The following TRIM29 variants were observed in gnomAD, a reference collection of about 807,000 sequenced individuals.
TRIM29 encodes the protein tripartite motif-containing protein 29.
A neutral mutation model predicts 57.3 loss-of-function variants in TRIM29; 52 were observed. That is an observed-to-expected ratio of 0.91 (90% confidence interval 0.73 to 1.14). The LOEUF (loss-of-function observed/expected upper bound fraction) is 1.14. Among genes scored for constraint, TRIM29 ranks in the 50% most tolerant of loss-of-function variants. The pLI, the probability that TRIM29 is intolerant of heterozygous loss-of-function variation, is 0.00. For synonymous variants in TRIM29, 319 were observed against 316.9 expected (o/e 1.01, Z -0.07); for missense variants, 753 against 774.6 (o/e 0.97, Z 0.33).
intron 7 of TRIM29, 159 bp from the exon 8 acceptor site, chr11:120,115,573 C>T: frequency 1.6e-6 from 1 of 641,688 alleles, no homozygotes; most frequent in Non-Finnish European, 2.7e-6. Flanking sequence ...AGCCAGGGTG[C>T]CGCAACCGAA....
chr11:120,137,817 C>A lies in TRIM29; in HGVS notation c.215G>T (p.Gly72Val), dbSNP rs748867782. The change falls in exon 1 of 9, where the codon GGC becomes GTC. Residue 72 changes from glycine to valine, a missense_variant. Physicochemically the swap from Gly to Val is moderately radical, Grantham distance 109. Transcript: ENST00000341846. This position sits in a 1 kb window ranked among gnomAD's most constrained non-coding sequence, Gnocchi z 6.2. ...GATGATGGGTCGCCGCCACTCATTG[C>A]CCGCGAACAGGGCGCTCCTACCTTC... is the stretch of plus-strand genomic sequence containing the variant. ...PGEGRSALFA[G>V]NEWRRPIIQF... 5 of 1,612,608 alleles carry A rather than the reference C, an allele frequency of 3.1e-6. No individual in the cohort carries two copies. The South Asian group carries it at 5.5e-5, about 18-fold the overall frequency.
chr11:120,123,190 CT>C (rs1555050506), intron 4 of TRIM29, 135 bp from the exon 5 acceptor site: 3 of 8,206 alleles, frequency 3.7e-4, no homozygotes, highest in Non-Finnish European at 5.7e-4. Flanking sequence ...TTTCCCCAAC[CT>C]CTCAGAGAAT....
chr11:120,121,984 C>T (rs915053774), intron 5 of TRIM29: 9 of 448,036 alleles, frequency 2.0e-5, no homozygotes, highest in African/African-American at 8.0e-5. Context: ...CCGGCTGGGG[C>T]CTGGCCCACA....
chr11:120,122,796 C>T (rs1863491088), intron 5 of TRIM29, among the ~76,000 whole-genome samples, 158 bp downstream of exon 5: 4 of 152,316 alleles, frequency 2.6e-5, no homozygotes, highest in Middle Eastern at 3.4e-3. Flanking sequence ...TTCATCATCA[C>T]ATCAGGACAA....
rs748156278 is a variant in TRIM29, at chr11:120,137,417, G to T, written c.615C>A (p.Gly205=). The change falls in exon 1 of 9, where the codon GGC becomes GGA. Residue 205 remains glycine (G), a synonymous_variant. Coordinates refer to ENST00000341846, the MANE Select transcript of TRIM29 (RefSeq NM_012101.4). This position sits in a 1 kb window ranked among gnomAD's most constrained non-coding sequence, Gnocchi z 6.2. ...CELHLKPHLE[G]AAFRDHQLLE... ...GCAGCTGGTGGTCTCGGAAGGCGGC[G>T]CCCTCCAGGTGGGGCTTGAGATGCA... 56 of 1,610,180 alleles carry T rather than the reference G, an allele frequency of 3.5e-5. No homozygotes were observed. In the South Asian group the frequency reaches 5.9e-4, roughly 17 times the overall value.
rs146167394 is a variant in TRIM29, at chr11:120,113,119, A to G, written c.1705-643T>C. ...CTCTCTCTGCATAAATTTCCCTTACAGAAAGGGTGCAGAGAGGGTAAAGAA... is the reference window on the plus strand; with the variant it reads ...CTCTCTCTGCATAAATTTCCCTTACGGAAAGGGTGCAGAGAGGGTAAAGAA... On this transcript the variant is annotated intron_variant, in intron 8 of 8. Transcript: ENST00000341846. 2.6e-5 allele frequency among the ~76,000 whole-genome samples: 4 copies of G among 152,156 alleles called. No individual in the cohort carries two copies. The East Asian group carries it at 7.7e-4, about 29-fold the overall frequency.
chr11:120,116,979 C>G, intron 7 of TRIM29: 1 of 435,402 alleles, frequency 2.3e-6, no homozygotes. Context: ...TTTAGACAGC[C>G]CACTGCGACC....
At chr11:120,116,915 C>T (rs377136465) in intron 7 of TRIM29, 192 of 368,636 alleles carry the variant, frequency 5.2e-4, no homozygotes, top group African/African-American at 3.6e-3. Context: ...CCACCTGCCC[C>T]GCTGTGGGAG....
intron 6 of TRIM29, among the ~76,000 whole-genome samples, chr11:120,120,163 T>C (rs1038866769): frequency 2.3e-5 from 3 of 129,274 alleles, no homozygotes; most frequent in African/African-American, 8.4e-5. Flanking sequence ...CCTCGTGCCC[T>C]CATACTTGTG....
rs1311810431 is a variant in TRIM29 at position 120,127,438 on chromosome 11, C to T, written c.1032G>A (p.Lys344=). Residue 344 remains lysine, a synonymous_variant, in exon 3 of 9, where the codon AAG becomes AAA. Transcript: ENST00000341846. ...QREQDAVDQV[K]VIMDALDERA... Reference sequence around the variant, plus strand: ...TCTCATCCAGAGCATCCATGATCACCTTCACTTGGTCCACAGCATCCTGCT... The same window carrying T: ...TCTCATCCAGAGCATCCATGATCACTTTCACTTGGTCCACAGCATCCTGCT... The T allele has an allele frequency of 9.3e-6, 15 of 1,614,214 alleles. No homozygotes were observed. The highest frequency in any genetic ancestry group is 1.7e-5 in the Admixed American group (1 of 60,026).
In TRIM29 at chr11:120,125,761, C is replaced by A. The variant is rs759017995; in HGVS notation, c.1263G>T (p.Met421Ile). 1.9e-6 allele frequency: 3 copies of A among 1,614,190 alleles called. No homozygotes were observed. The Admixed American group carries it at 5.0e-5, about 27-fold the overall frequency. The change falls in exon 4 of 9, where the codon ATG becomes ATT. Residue 421 changes from methionine (M) to isoleucine (I), a missense_variant. Met to Ile is a conservative substitution (Grantham distance 10, BLOSUM62 1). Coordinates refer to ENST00000341846, the MANE Select transcript of TRIM29 (RefSeq NM_012101.4). ...CCTTGCACATCTTCTCAACGTGGCG[C>A]ATGCATACATTGAGCAGGTCGTCCT... The part of the protein sequence containing the change: ...NFKDDLLNVC[M>I]RHVEKMCKAD...
At chr11:120,113,641 C>T (rs1416125809) in intron 8 of TRIM29, 2 of 456,114 alleles carry the variant, frequency 4.4e-6, no homozygotes, top group Non-Finnish European at 4.4e-6. Context: ...GATGCTCAGA[C>T]CTTGCTTAAA....
In TRIM29 at chr11:120,113,587, T is replaced by C. The variant is rs534938781; in HGVS notation, c.1705-1111A>G. On this transcript the variant is annotated intron_variant, in intron 8 of 8. Transcript: ENST00000341846. ...TGTCTCTCAGGGAACTGACACCTCC[T>C]GGTCAGCTCCTTGCCTTTGTGTGGT... 1.6e-4 allele frequency: 74 copies of C among 455,978 alleles called. No individual in the cohort carries two copies. The East Asian group carries it at 4.9e-3, about 30-fold the overall frequency. 28.2% of individuals were successfully genotyped at this position (455,978 alleles called of 1,614,324 possible).
intron 1 of TRIM29, chr11:120,128,907 G>A (rs1444285511): frequency 7.0e-6 from 10 of 1,423,166 alleles, no homozygotes; most frequent in South Asian, 1.4e-5. Context: ...AGCCCAGGGA[G>A]TGTCTCGTGG....
intron 3 of TRIM29, 196 bp from the exon 4 acceptor site, chr11:120,126,085 C>G: frequency 1.7e-6 from 1 of 602,104 alleles, no homozygotes; most frequent in Non-Finnish European, 2.9e-6. Flanking sequence ...CCTGATGGCA[C>G]TAGCGTTCAG....
At chr11:120,118,043 C>A in intron 7 of TRIM29, 180 bp downstream of exon 7, 1 of 623,646 alleles carries the variant, frequency 1.6e-6, no homozygotes, top group Non-Finnish European at 2.8e-6. Context: ...GTGGCCCAGC[C>A]CCCACCCCTG....
At chr11:120,121,978 C>A in intron 5 of TRIM29, 1 of 448,548 alleles carries the variant, frequency 2.2e-6, no homozygotes, top group South Asian at 1.6e-5. Flanking sequence ...GGCTGGCCGG[C>A]TGGGGCCTGG....
intron 5 of TRIM29, chr11:120,121,928 A>G: frequency 2.2e-6 from 1 of 446,316 alleles, no homozygotes; most frequent in Non-Finnish European, 4.5e-6. Context: ...CACTCCCAGA[A>G]CTTGCCCAAA....
chr11:120,132,366 C>G (rs1483007829), intron 1 of TRIM29, among the ~76,000 whole-genome samples: 1 of 152,162 alleles, frequency 6.6e-6, no homozygotes, highest in East Asian at 1.9e-4. Context: ...ACACCTCCCT[C>G]CTGACTTCCT....
Sources: allele counts gnomAD v4.1 joint callset (sites outside exome capture counted in the v4.1 genomes callset), GRCh38; gene constraint gnomAD v4.1.1; non-coding constraint Gnocchi (gnomAD v3.1); transcripts MANE v1.5; gene names NCBI Gene and HGNC (gene_info 2026-07-23, HGNC 2026-07-21).